FKBP5: variants seen among roughly 807,000 people sequenced by gnomAD.
FKBP5 encodes FKBP prolyl isomerase 5.
A neutral mutation model predicts 50.5 loss-of-function variants in FKBP5; 23 were observed. That is an observed-to-expected ratio of 0.46 (90% CI 0.33 to 0.65). The LOEUF is 0.65. Among genes scored for constraint, FKBP5 ranks in the 30% least tolerant of loss-of-function variants. The pLI is 0.02. For synonymous variants in FKBP5, 176 were observed against 190.6 expected, an observed-to-expected ratio of 0.92 and a Z score of 0.63; for missense variants, 411 against 553.1, an observed-to-expected ratio of 0.74 and a Z score of 2.58.
intron 6 of FKBP5, 73 bp from the exon 7 acceptor site, chr6:35,591,293 G>A (rs1401749912): frequency 2.0e-6 from 2 of 990,942 alleles, no homozygotes; most frequent in Non-Finnish European, 3.1e-6. Flanking sequence ...AGTATTTTGA[G>A]GCATCAACAG....
At chr6:35,606,687 A>G (rs1345563197) in intron 5 of FKBP5, among the ~76,000 whole-genome samples, 2 of 149,536 alleles carry the variant, frequency 1.3e-5, no homozygotes, top group Non-Finnish European at 3.0e-5. Context: ...AAAAAAAAAA[A>G]AAAAAAAAAG....
intron 1 of FKBP5, among the ~76,000 whole-genome samples, chr6:35,643,892 T>G (rs1764560260): frequency 6.6e-6 from 1 of 152,172 alleles, no homozygotes; most frequent in Non-Finnish European, 1.5e-5. Context: ...CATATTTAGA[T>G]TCCCTAGAAT....
At chr6:35,658,238 G>A (rs1370050339) in intron 1 of FKBP5, among the ~76,000 whole-genome samples, 12 of 152,036 alleles carry the variant, frequency 7.9e-5, no homozygotes, top group African/African-American at 2.7e-4. Context: ...AACCGGGCGT[G>A]GTGGCGGGCG....
chr6:35,633,379 C>G (rs922895513), intron 3 of FKBP5, among the ~76,000 whole-genome samples: 1 of 151,822 alleles, frequency 6.6e-6, no homozygotes, highest in East Asian at 1.9e-4. Flanking sequence ...CCTGTCTCTA[C>G]TAAAACACAA....
chr6:35,709,918 A>C (rs1282092983), intron 2 of FKBP5, among the ~76,000 whole-genome samples: 1 of 151,518 alleles, frequency 6.6e-6, no homozygotes, highest in Admixed American at 6.6e-5. Flanking sequence ...CATGGAGCTG[A>C]TGTTCTCACG....
At chr6:35,602,647 G>A (rs1763180742) in intron 5 of FKBP5, among the ~76,000 whole-genome samples, 1 of 151,848 alleles carries the variant, frequency 6.6e-6, no homozygotes, top group Admixed American at 6.6e-5. Flanking sequence ...TCTAAAAGCA[G>A]GAGAACAAGA....
intron 1 of FKBP5, among the ~76,000 whole-genome samples, chr6:35,724,122 A>AACTCCCTAAGTTTACAGCTT: frequency 6.6e-6 from 1 of 152,292 alleles, no homozygotes; most frequent in East Asian, 1.9e-4. Flanking sequence ...CTTTCTCCCA[A>AACTCCCTAAGTTTACAGCTT]AGGCCTGCTG....
rs1301031710 is a variant in FKBP5, at chr6:35,658,656, G to GGCTTT, written c.-19-15814_-19-15813insAAAGC. ...ATCATATGCTTTCTCTTGCTAATGT[G>GGCTTT]GTACATGACATTGGTTTTCAAATGT... On this transcript the variant is annotated intron_variant, in intron 1 of 10. Coordinates refer to ENST00000357266, the MANE Select transcript of FKBP5 (RefSeq NM_004117.4). Among the ~76,000 whole-genome samples the GGCTTT allele has an allele frequency of 4.9e-4, 43 of 88,384 alleles. 16 individuals are homozygous for GGCTTT. The highest frequency in any genetic ancestry group is 1.4e-3 in the East Asian group (4 of 2,760). 58.0% of individuals were successfully genotyped at this position (88,384 alleles called of 152,430 possible). A position where few individuals can be genotyped will look rare whatever the true frequency, so the allele number is the denominator to read the frequency against.
At chr6:35,695,131 GA>G (rs1314966839) in intron 2 of FKBP5, among the ~76,000 whole-genome samples, 1 of 152,104 alleles carries the variant, frequency 6.6e-6, no homozygotes, top group Non-Finnish European at 1.5e-5. Flanking sequence ...ACAAGGATAA[GA>G]GAAGAATGTC....
intron 5 of FKBP5, among the ~76,000 whole-genome samples, chr6:35,615,145 CAACAACAACT>C (rs1490926542): frequency 2.6e-4 from 29 of 109,880 alleles, no homozygotes; most frequent in Middle Eastern, 4.1e-3. Flanking sequence ...ACAACAACAA[CAACAACAACT>C]ACACACACAC....
Position 35,665,025 on chromosome 6 carries a change from C to T in FKBP5, c.-19-22182G>A, listed in dbSNP as rs994576805. On this transcript the variant is annotated intron_variant, in intron 1 of 10. Transcript: ENST00000357266. Reference sequence around the variant, plus strand: ...ATTGTGTTTCTTATCTTACTTTCGACTCCATAGCTATCATCATATTTTGAG... The same window carrying T: ...ATTGTGTTTCTTATCTTACTTTCGATTCCATAGCTATCATCATATTTTGAG... Among the ~76,000 whole-genome samples the T allele has an allele frequency of 2.6e-5, 4 of 152,140 alleles. No individual in the cohort carries two copies. In the East Asian group the frequency reaches 7.7e-4, roughly 29 times the overall value.
rs144913669 is a variant in FKBP5 at position 35,577,033 on chromosome 6, G to A, written c.1227C>T (p.Tyr409=). The part of the protein sequence containing the change: ...KEHNERDRRI[Y]ANMFKKFAEQ... ...CTGCAAACTTCTTGAACATGTTGGC[G>A]TATATCCTGCGGTCCCGCTCGTTGT... Residue 409 remains tyrosine (Y), a synonymous_variant, in exon 10 of 11, where the codon TAC becomes TAT. Transcript: ENST00000357266. 8.6e-5 allele frequency: 138 copies of A among 1,614,018 alleles called. No homozygotes were observed. The highest frequency in any genetic ancestry group is 1.2e-4 in the Non-Finnish European group (136 of 1,180,028).
intron 1 of FKBP5, among the ~76,000 whole-genome samples, chr6:35,722,502 C>A (rs952373790): frequency 6.6e-6 from 1 of 152,148 alleles, no homozygotes; most frequent in African/African-American, 2.4e-5. Flanking sequence ...GCCTGGGCTT[C>A]CGGCTGCTGC....
At chr6:35,673,820 T>G (rs878856589) in intron 1 of FKBP5, among the ~76,000 whole-genome samples, 1 of 152,174 alleles carries the variant, frequency 6.6e-6, no homozygotes, top group Non-Finnish European at 1.5e-5. Flanking sequence ...AACAGAAAAT[T>G]TATTTATTGT....
At chr6:35,606,184 A>C (rs375484502) in intron 5 of FKBP5, among the ~76,000 whole-genome samples, 26 of 152,242 alleles carry the variant, frequency 1.7e-4, no homozygotes, top group African/African-American at 5.5e-4. Context: ...ACTAATATCC[A>C]GAAAAGAACT....
intron 2 of FKBP5, among the ~76,000 whole-genome samples, chr6:35,703,272 T>C (rs942529582): frequency 1.3e-5 from 2 of 149,962 alleles, no homozygotes. Context: ...ATTAGCCAGG[T>C]GTGGTAGTGG....
At chr6:35,711,100 G>T (rs1766404035) in intron 2 of FKBP5, among the ~76,000 whole-genome samples, 1 of 152,050 alleles carries the variant, frequency 6.6e-6, no homozygotes, top group Non-Finnish European at 1.5e-5. Context: ...TAGGCAGATG[G>T]CTTGAGTCCG....
chr6:35,724,882 A>G (rs1038576976), intron 1 of FKBP5, among the ~76,000 whole-genome samples: 1 of 152,120 alleles, frequency 6.6e-6, no homozygotes, highest in African/African-American at 2.4e-5. Context: ...AATAGCACCC[A>G]CACCCCAGAA....
At chr6:35,685,875 A>G (rs1018402553) in intron 1 of FKBP5, among the ~76,000 whole-genome samples, 1 of 150,406 alleles carries the variant, frequency 6.6e-6, no homozygotes, top group Non-Finnish European at 1.5e-5. Flanking sequence ...TCAGCTACTC[A>G]GGAGGCTGAG....
Sources: gnomAD v4.1 joint callset for allele counts (sites outside exome capture counted in the v4.1 genomes callset) on GRCh38, gnomAD v4.1.1 for gene constraint, MANE v1.5 for transcripts, NCBI Gene and HGNC (gene_info 2026-07-23, HGNC 2026-07-21) for gene names.